Variants in SVEP1 observed in about 807,000 individuals in gnomAD.
SVEP1 encodes the protein sushi, von Willebrand factor type A, EGF and pentraxin domain containing 1.
A neutral mutation model predicts 367.3 loss-of-function variants in SVEP1; 164 were observed. The ratio of observed to expected loss-of-function variants is 0.45; its 90% confidence interval spans 0.39 to 0.51. The LOEUF (loss-of-function observed/expected upper bound fraction) is 0.51. Ranked by LOEUF, SVEP1 falls within the 20% of genes least tolerant of loss-of-function variation. The probability of loss-of-function intolerance (pLI) is 0.00; values close to 1 mark genes in which losing one functional copy is unlikely to be tolerated. For synonymous variants in SVEP1, 1,666 were observed against 1,611.6 expected, an observed-to-expected ratio of 1.03 and a Z score of -0.81; for missense variants, 4,117 against 4,425.3, an observed-to-expected ratio of 0.93 and a Z score of 1.98.
chr9:110,458,859 G>T (rs1003683870), intron 19 of SVEP1, 93 bp downstream of exon 19: 141 of 1,467,306 alleles, frequency 9.6e-5, no homozygotes, highest in Non-Finnish European at 1.2e-4. Context: ...CAAATCCACC[G>T]AAAATAGTAA....
intron 30 of SVEP1, among the ~76,000 whole-genome samples, chr9:110,432,838 T>C (rs1564141272): frequency 1.3e-5 from 2 of 152,154 alleles, no homozygotes; most frequent in Non-Finnish European, 2.9e-5. Context: ...TGCAATTCAT[T>C]TATTCAAAAA....
chr9:110,511,325 C>T (rs1042421347), intron 5 of SVEP1, among the ~76,000 whole-genome samples: 7 of 151,926 alleles, frequency 4.6e-5, no homozygotes, highest in African/African-American at 7.3e-5. Flanking sequence ...CTCTGGATTC[C>T]TCACGTGAAA....
At chr9:110,376,407 T>C (rs1827352022) in intron 45 of SVEP1, among the ~76,000 whole-genome samples, 2 of 152,254 alleles carry the variant, frequency 1.3e-5, no homozygotes, top group African/African-American at 4.8e-5. Flanking sequence ...TGGGGTGAGC[T>C]GGAAGAGAAA....
chr9:110,411,510 C>A lies in SVEP1; in HGVS notation c.6201G>T (p.Trp2067Cys). ...GCATGTCTTGACCTTCTGGGGGTAC[C>A]CACTTGCCCTGGGCATTGCAGAGAA... The part of the protein sequence containing the change: ...SQLLCNAQGK[W>C]VPPEGQDMPR... The change falls in exon 37 of 48, where the codon TGG becomes TGT. Residue 2067 changes from tryptophan (W) to cysteine (C), a missense_variant. By Grantham distance (215) the Trp-to-Cys change is radical. Coordinates refer to ENST00000374469, the MANE Select transcript of SVEP1 (RefSeq NM_153366.4). 6.2e-7 allele frequency: 1 copy of A among 1,613,992 alleles called. No homozygotes were observed. Among genetic ancestry groups the A allele is most frequent in the Non-Finnish European group, 8.5e-7 (1 of 1,179,892 alleles).
Position 110,491,592 on chromosome 9 carries a change from T to G in SVEP1, c.1801-1813A>C, listed in dbSNP as rs73655387. Among the ~76,000 whole-genome samples, 24 of 124,102 alleles carry G rather than the reference T, an allele frequency of 1.9e-4. No homozygotes were observed. The Middle Eastern group carries it at 0.016, about 81-fold the overall frequency. The allele number at this position is 124,102 out of a possible 152,430, so 81.4% of individuals were successfully genotyped here. On this transcript the variant is annotated intron_variant, in intron 8 of 47. Transcript: ENST00000374469. ...GCATTACATATTTTATAGAATGGGGTGTGTGTGTGTGTGTGTGTGTGTGTG... is the reference window on the plus strand; with the variant it reads ...GCATTACATATTTTATAGAATGGGGGGTGTGTGTGTGTGTGTGTGTGTGTG...
At chr9:110,489,488 A>C (rs746673463) in intron 9 of SVEP1, among the ~76,000 whole-genome samples, 162 bp downstream of exon 9, 4 of 152,152 alleles carry the variant, frequency 2.6e-5, no homozygotes, top group Non-Finnish European at 5.9e-5. Context: ...AAACCATCAG[A>C]TCTTCTGAGA....
chr9:110,471,586 A>G lies in SVEP1; in HGVS notation c.2776T>C (p.Leu926=), dbSNP rs772984572. 5.0e-6 allele frequency: 8 copies of G among 1,613,172 alleles called. No homozygotes were observed. The highest frequency in any genetic ancestry group is 6.8e-6 in the Non-Finnish European group (8 of 1,179,382). The change falls in exon 16 of 48, where the codon TTA becomes CTA. Residue 926 remains leucine (L), a synonymous_variant. Coordinates refer to ENST00000374469, the MANE Select transcript of SVEP1 (RefSeq NM_153366.4). ...LIFNITASVP[L]PDERNDTLEW... is the part of the protein sequence containing the mutation. ...AGGGTATCATTTCTTTCATCGGGTA[A>G]TGGCACACTAGCTGAGATAAAAACA...
chr9:110,465,454 T>G (rs1283268781), intron 18 of SVEP1, among the ~76,000 whole-genome samples: 1 of 152,186 alleles, frequency 6.6e-6, no homozygotes, highest in African/African-American at 2.4e-5. Context: ...CACGAAAACC[T>G]TCAACTCGTA....
rs564351052 is a variant in SVEP1, at chr9:110,489,330, T to A, written c.1930+320A>T. On this transcript the variant is annotated intron_variant, in intron 9 of 47. Transcript: ENST00000374469. ...TAATAAAGACATACCCGAGACTGAGTAATTTATAAAGGAAAGAGTTTTAAT... is the reference window on the plus strand; with the variant it reads ...TAATAAAGACATACCCGAGACTGAGAAATTTATAAAGGAAAGAGTTTTAAT... Among the ~76,000 whole-genome samples the A allele has an allele frequency of 2.6e-5, 4 of 152,086 alleles. No homozygotes were observed. The South Asian group carries it at 8.3e-4, about 32-fold the overall frequency.
chr9:110,460,222 TA>T (rs1204653153), intron 18 of SVEP1, among the ~76,000 whole-genome samples: 3 of 152,224 alleles, frequency 2.0e-5, no homozygotes, highest in African/African-American at 7.2e-5. Flanking sequence ...GAATATGCTT[TA>T]ATTAATTTCT....
Position 110,550,081 on chromosome 9 carries a change from T to C in SVEP1, c.555A>G (p.Glu185=). ...TGAGAAATACAACTTTTGTTGAGTT[T>C]TCTCTAGCATGAAGAAGAATTTGCT... The part of the protein sequence containing the change: ...QAAQILLHAR[E]NSTKVVFLIT... The change falls in exon 2 of 48, where the codon GAA becomes GAG. Residue 185 remains glutamate, a synonymous_variant. Coordinates refer to ENST00000374469, the MANE Select transcript of SVEP1 (RefSeq NM_153366.4). 1.2e-6 allele frequency: 2 copies of C among 1,613,928 alleles called. No homozygotes were observed. The highest frequency in any genetic ancestry group is 1.7e-6 in the Non-Finnish European group (2 of 1,179,800).
chr9:110,541,308 A>C (rs1830142197), intron 3 of SVEP1, among the ~76,000 whole-genome samples: 2 of 152,118 alleles, frequency 1.3e-5, no homozygotes, highest in Non-Finnish European at 2.9e-5. Context: ...GAAGCTTAAT[A>C]ACATCTGCTT....
Position 110,513,024 on chromosome 9 carries a change from CAGGCT to C in SVEP1, c.1200_1204del (p.Ala401TrpfsTer9). The C allele has an allele frequency of 6.2e-7, 1 of 1,614,018 alleles. No individual in the cohort carries two copies. Among genetic ancestry groups the C allele is most frequent in the Non-Finnish European group, 8.5e-7 (1 of 1,179,890 alleles). On this transcript the variant is annotated frameshift_variant, in exon 5 of 48. Transcript: ENST00000374469. LOFTEE classifies it high-confidence loss of function. The stretch of plus-strand genomic sequence containing the variant: ...AAATCCAGGGTGACATCGGACCCCA[CAGGCT>C]GCATTGAAGTGGTTGTTGCAAGTGT...
intron 40 of SVEP1, among the ~76,000 whole-genome samples, chr9:110,396,397 G>A (rs374902472): frequency 6.6e-6 from 1 of 152,094 alleles, no homozygotes; most frequent in Non-Finnish European, 1.5e-5. Flanking sequence ...GAGAAAGTAG[G>A]AAAGATCTAA....
At chr9:110,459,731 T>C (rs1828829167) in intron 18 of SVEP1, among the ~76,000 whole-genome samples, 2 of 152,156 alleles carry the variant, frequency 1.3e-5, no homozygotes, top group Non-Finnish European at 2.9e-5. Context: ...CTCCCATTAG[T>C]AGTGTATGAA....
At chr9:110,431,077 G>A (rs1165991703) in intron 32 of SVEP1, among the ~76,000 whole-genome samples, 1 of 152,194 alleles carries the variant, frequency 6.6e-6, no homozygotes, top group Non-Finnish European at 1.5e-5. Flanking sequence ...AAGTCAAGGA[G>A]TTTAAACAAA....
chr9:110,458,583 C>T (rs1444322516), intron 19 of SVEP1, 21 bp from the exon 20 acceptor site: 16 of 1,592,690 alleles, frequency 1.0e-5, no homozygotes, highest in Non-Finnish European at 1.4e-5. Context: ...AATAGAAAAA[C>T]ATGTCAGTGT....
At chr9:110,393,969 A>C (rs932612131) in intron 40 of SVEP1, among the ~76,000 whole-genome samples, 61 of 152,306 alleles carry the variant, frequency 4.0e-4, no homozygotes, top group African/African-American at 1.3e-3. Flanking sequence ...AGTAACTCTG[A>C]AGACTTAAAT....
rs559520963 is a variant in SVEP1 at position 110,366,385 on chromosome 9, A to G, written c.*154T>C. The G allele has an allele frequency of 6.6e-6, 4 of 605,166 alleles. No homozygotes were observed. The highest frequency in any genetic ancestry group is 1.2e-4 in the South Asian group (2 of 17,080). The allele number at this position is 605,166 out of a possible 1,614,324, so 37.5% of individuals were successfully genotyped here. A position where few individuals can be genotyped will look rare whatever the true frequency, so the allele number is the denominator to read the frequency against. On this transcript the variant is annotated 3_prime_UTR_variant, in exon 48 of 48. Transcript: ENST00000374469. The stretch of plus-strand genomic sequence containing the variant: ...AGTATGTCACAAGGAATAACAAAAT[A>G]TATCACAAAATAAAAAAAGTAACCC...
Sources: allele counts gnomAD v4.1 joint callset (sites outside exome capture counted in the v4.1 genomes callset), GRCh38; gene constraint gnomAD v4.1.1; transcripts MANE v1.5; gene names NCBI Gene and HGNC (gene_info 2026-07-23, HGNC 2026-07-21).